SNTG1: variants seen among roughly 807,000 people sequenced by gnomAD.
SNTG1 encodes syntrophin gamma 1.
Under a neutral mutation model 74.7 loss-of-function variants are expected in SNTG1, and 39 were observed. That is an observed-to-expected ratio of 0.52 (90% CI 0.40 to 0.68). The LOEUF (loss-of-function observed/expected upper bound fraction) is 0.68. Ranked by LOEUF, SNTG1 falls within the 30% of genes least tolerant of loss-of-function variation. SNTG1 has a pLI of 0.00. For synonymous variants in SNTG1, 254 were observed against 217.1 expected (o/e 1.17, Z -1.49); for missense variants, 685 against 609.5 (o/e 1.12, Z -1.30).
intron 8 of SNTG1, among the ~76,000 whole-genome samples, chr8:50,491,733 A>G (rs2093856213): frequency 7.9e-6 from 1 of 127,360 alleles, no homozygotes; most frequent in Non-Finnish European, 1.8e-5. Context: ...TTATTTATTT[A>G]TTTTACTTTA....
chr8:49,968,592 A>G (rs1811363773), intron 1 of SNTG1, among the ~76,000 whole-genome samples: 2 of 152,196 alleles, frequency 1.3e-5, no homozygotes, highest in African/African-American at 4.8e-5. Flanking sequence ...TGCAAAAGAC[A>G]TCTCCTTATT....
intron 13 of SNTG1, among the ~76,000 whole-genome samples, chr8:50,596,363 A>T: frequency 6.6e-6 from 1 of 152,172 alleles, no homozygotes; most frequent in East Asian, 1.9e-4. Context: ...TTTAGTAAAT[A>T]TCTGCCTAAC....
At chr8:50,281,333 C>T (rs1386731352) in intron 2 of SNTG1, among the ~76,000 whole-genome samples, 4 of 152,092 alleles carry the variant, frequency 2.6e-5, no homozygotes, top group African/African-American at 2.4e-5. Flanking sequence ...CCTGAGCTAA[C>T]GTTTCAGGTT....
chr8:50,500,173 A>G (rs1290968649), intron 8 of SNTG1, among the ~76,000 whole-genome samples: 1 of 149,850 alleles, frequency 6.7e-6, no homozygotes, highest in Non-Finnish European at 1.5e-5. Context: ...CCTCTCCTCT[A>G]TGACTCATAT....
At chr8:50,245,115 A>C (rs2086337293) in intron 2 of SNTG1, among the ~76,000 whole-genome samples, 1 of 152,180 alleles carries the variant, frequency 6.6e-6, no homozygotes, top group African/African-American at 2.4e-5. Flanking sequence ...ACGCAGCAAT[A>C]AACATGCTTC....
rs182866408 is a variant in SNTG1 at position 50,677,103 on chromosome 8, G to T, written c.1038+18440G>T. On this transcript the variant is annotated intron_variant, in intron 15 of 18. Coordinates refer to ENST00000642720, the MANE Select transcript of SNTG1 (RefSeq NM_018967.5). ...GTCTAAAAGCAATATATTTATGAAT[G>T]ATTATGGATTTCCATGTTGCAGAAA... Among the ~76,000 whole-genome samples the T allele has an allele frequency of 9.5e-4, 145 of 151,982 alleles. 1 individual carries two copies. The highest frequency in any genetic ancestry group is 3.4e-3 in the African/African-American group (141 of 41,530).
chr8:50,332,077 T>C (rs2090986781), intron 2 of SNTG1, among the ~76,000 whole-genome samples: 3 of 152,198 alleles, frequency 2.0e-5, no homozygotes, highest in Admixed American at 2.0e-4. Flanking sequence ...AATTCTAAGC[T>C]TCTCTGACTC....
chr8:50,544,058 A>G (rs2094368025), intron 11 of SNTG1, among the ~76,000 whole-genome samples: 1 of 152,136 alleles, frequency 6.6e-6, no homozygotes, highest in Non-Finnish European at 1.5e-5. Context: ...CATATATCTC[A>G]AATTCCTTTT....
intron 1 of SNTG1, among the ~76,000 whole-genome samples, chr8:50,006,958 C>T (rs1393375256): frequency 1.3e-5 from 2 of 152,064 alleles, no homozygotes; most frequent in East Asian, 3.9e-4. Flanking sequence ...GTCTTAGGCC[C>T]TAGGGGACTA....
chr8:50,125,050 T>C (rs1314938384), intron 1 of SNTG1, among the ~76,000 whole-genome samples: 1 of 142,108 alleles, frequency 7.0e-6, no homozygotes, highest in Non-Finnish European at 1.6e-5. Context: ...ATTTCTGCCA[T>C]CACTATACAA....
At chr8:50,719,532 A>G (rs1381092360) in intron 17 of SNTG1, among the ~76,000 whole-genome samples, 1 of 152,202 alleles carries the variant, frequency 6.6e-6, no homozygotes, top group Non-Finnish European at 1.5e-5. Flanking sequence ...AGCAGGAGGA[A>G]CAGCCTAACA....
intron 4 of SNTG1, among the ~76,000 whole-genome samples, chr8:50,409,047 C>A (rs1447160354): frequency 7.2e-5 from 11 of 152,120 alleles, no homozygotes; most frequent in Non-Finnish European, 5.9e-5. Flanking sequence ...TTAACAATAA[C>A]CCCTATCAAA....
At chr8:50,394,152 A>G in intron 2 of SNTG1, 60 bp from the exon 3 acceptor site, 2 of 1,341,928 alleles carry the variant, frequency 1.5e-6, no homozygotes, top group Non-Finnish European at 2.1e-6. Context: ...CCACTATATT[A>G]GTGTTCTCTC....
intron 2 of SNTG1, among the ~76,000 whole-genome samples, chr8:50,279,253 T>G (rs2088296248): frequency 6.6e-6 from 1 of 152,168 alleles, no homozygotes; most frequent in Non-Finnish European, 1.5e-5. Context: ...AAAATGCTCA[T>G]AAGAAATCAA....
rs1305731652 is a variant in SNTG1 at position 50,536,328 on chromosome 8, A to T, written c.550-350A>T. ...ACAGCTGATTTTTATTTCTTCACTT[A>T]ATTGGTTAATTATAGTTACAGTTTT... On this transcript the variant is annotated intron_variant, in intron 10 of 18. Transcript: ENST00000642720. Among the ~76,000 whole-genome samples, 4 of 151,472 alleles carry T rather than the reference A, an allele frequency of 2.6e-5. 1 individual carries two copies. In the East Asian group the frequency reaches 7.7e-4, roughly 29 times the overall value.
chr8:50,553,229 AAATCCTTCAGT>A (rs1420251855), intron 12 of SNTG1, 50 bp downstream of exon 12: 1 of 1,608,810 alleles, frequency 6.2e-7, no homozygotes. Flanking sequence ...AGGCTTTATA[AAATCCTTCAGT>A]ATATATGTAA....
chr8:50,658,039 A>T (rs1301698287), intron 14 of SNTG1, among the ~76,000 whole-genome samples: 1 of 152,132 alleles, frequency 6.6e-6, no homozygotes, highest in Non-Finnish European at 1.5e-5. Context: ...CAGAGGAAAA[A>T]TTGATATTTA....
intron 18 of SNTG1, among the ~76,000 whole-genome samples, chr8:50,764,815 G>T (rs1187017719): frequency 3.3e-5 from 5 of 151,906 alleles, no homozygotes; most frequent in African/African-American, 1.2e-4. Flanking sequence ...ATATTGAAGA[G>T]ACATCTGCAA....
intron 15 of SNTG1, among the ~76,000 whole-genome samples, chr8:50,682,281 C>A (rs1343452647): frequency 6.6e-6 from 1 of 151,938 alleles, no homozygotes; most frequent in Non-Finnish European, 1.5e-5. Context: ...TAAGCTAATT[C>A]TTATTGGCTA....
Sources: gnomAD v4.1 joint callset for allele counts (sites outside exome capture counted in the v4.1 genomes callset) on GRCh38, gnomAD v4.1.1 for gene constraint, MANE v1.5 for transcripts, NCBI Gene and HGNC (gene_info 2026-07-23, HGNC 2026-07-21) for gene names.